The following GALNTL6 variants were observed in gnomAD, a reference collection of about 807,000 sequenced individuals.
GALNTL6 encodes polypeptide N-acetylgalactosaminyltransferase-like 6.
In GALNTL6, 46 loss-of-function variants were observed where a neutral mutation model predicts 73.7. The observed-to-expected ratio is 0.62, with a 90% CI of 0.49 to 0.80. GALNTL6 has a LOEUF of 0.80. Ranked by LOEUF, GALNTL6 falls within the 30% of genes least tolerant of loss-of-function variation. The probability of loss-of-function intolerance (pLI) is 0.00; values close to 1 mark genes in which losing one functional copy is unlikely to be tolerated. For missense variants in GALNTL6, 604 were observed against 755.0 expected (o/e 0.80, Z 2.34); for synonymous variants, 259 against 263.7 (o/e 0.98, Z 0.17).
chr4:172,896,743 C>G (rs1746354947), intron 8 of GALNTL6, among the ~76,000 whole-genome samples: 6 of 152,258 alleles, frequency 3.9e-5, no homozygotes, highest in Admixed American at 3.9e-4. Flanking sequence ...TGATACTAGG[C>G]CCTCTTGCAA....
intron 11 of GALNTL6, among the ~76,000 whole-genome samples, chr4:173,019,743 T>C (rs1451472549): frequency 6.6e-6 from 1 of 152,216 alleles, no homozygotes; most frequent in Non-Finnish European, 1.5e-5. Context: ...GAGTACGCAG[T>C]GGCCATGATT....
rs139357665 is a variant in GALNTL6, at chr4:172,142,010, C to T, written c.139-87646C>T. 1.1e-4 allele frequency among the ~76,000 whole-genome samples: 16 copies of T among 151,916 alleles called. No individual in the cohort carries two copies. The East Asian group carries it at 3.1e-3, about 29-fold the overall frequency. Reference sequence around the variant, plus strand: ...TGCTGAAAGAATCAGTGTACACACACAAAAATTTGTTTTTAGTTCTAGTGG... The same window carrying T: ...TGCTGAAAGAATCAGTGTACACACATAAAAATTTGTTTTTAGTTCTAGTGG... On this transcript the variant is annotated intron_variant, in intron 2 of 12. Transcript: ENST00000506823.
chr4:171,880,892 A>G (rs1443020232), intron 2 of GALNTL6, among the ~76,000 whole-genome samples: 1 of 152,206 alleles, frequency 6.6e-6, no homozygotes, highest in Non-Finnish European at 1.5e-5. Context: ...TTTTAAGTCC[A>G]TATGGACCAG....
At chr4:172,773,504 C>T (rs1185406810) in intron 5 of GALNTL6, among the ~76,000 whole-genome samples, 2 of 151,846 alleles carry the variant, frequency 1.3e-5, no homozygotes, top group South Asian at 2.1e-4. Flanking sequence ...TTATTTATGA[C>T]CTTAGTAAAG....
chr4:171,832,941 C>A (rs775160640), intron 2 of GALNTL6, among the ~76,000 whole-genome samples: 1 of 151,734 alleles, frequency 6.6e-6, no homozygotes, highest in African/African-American at 2.4e-5. Flanking sequence ...TTTGATTATA[C>A]ATCCTGGAAG....
In GALNTL6 at chr4:172,575,160, C is replaced by T. The variant is rs78891308; in HGVS notation, c.553+226471C>T. Among the ~76,000 whole-genome samples the T allele has an allele frequency of 1.1e-3, 160 of 152,298 alleles. 1 individual carries two copies. In the East Asian group the frequency reaches 0.026, roughly 25 times the overall value. On this transcript the variant is annotated intron_variant, in intron 5 of 12. Transcript: ENST00000506823. ...CTCTGCCTTCATGACATGCGTATTA[C>T]ATGCATTGTGTATACAATTCTTAAC...
chr4:172,783,821 G>A (rs1739506545), intron 5 of GALNTL6, among the ~76,000 whole-genome samples: 1 of 152,052 alleles, frequency 6.6e-6, no homozygotes, highest in Admixed American at 6.6e-5. Context: ...GAGCTTTGAT[G>A]AAGAATTATA....
chr4:172,768,853 A>G (rs987546813), intron 5 of GALNTL6, among the ~76,000 whole-genome samples: 1 of 152,004 alleles, frequency 6.6e-6, no homozygotes, highest in African/African-American at 2.4e-5. Flanking sequence ...TCCACTTGCT[A>G]GACATGTGAA....
chr4:172,380,149 A>C, intron 5 of GALNTL6: 2 of 1,046,500 alleles, frequency 1.9e-6, no homozygotes, highest in Non-Finnish European at 3.0e-6. Context: ...GATTTGGAGC[A>C]CTTAACAAGG....
intron 7 of GALNTL6, among the ~76,000 whole-genome samples, chr4:172,836,545 C>G (rs915978315): frequency 4.6e-5 from 7 of 152,072 alleles, no homozygotes; most frequent in Admixed American, 4.6e-4. Flanking sequence ...ATACAGAAGC[C>G]CAGACATTCT....
intron 5 of GALNTL6, among the ~76,000 whole-genome samples, chr4:172,680,072 A>G (rs1477658705): frequency 1.3e-5 from 2 of 152,188 alleles, no homozygotes; most frequent in Non-Finnish European, 1.5e-5. Flanking sequence ...AGCACTTTAA[A>G]TTTATTAATT....
chr4:172,129,740 T>C (rs1198312347), intron 2 of GALNTL6, among the ~76,000 whole-genome samples: 1 of 152,148 alleles, frequency 6.6e-6, no homozygotes, highest in Admixed American at 6.6e-5. Flanking sequence ...GGATCCAAAA[T>C]ACTCAAACCA....
chr4:172,082,418 T>C (rs1579119973), intron 2 of GALNTL6, among the ~76,000 whole-genome samples: 1 of 152,082 alleles, frequency 6.6e-6, no homozygotes, highest in Non-Finnish European at 1.5e-5. Flanking sequence ...GAGGACATGA[T>C]TGGGCACAAA....
chr4:172,678,947 G>T (rs193198876), intron 5 of GALNTL6, among the ~76,000 whole-genome samples: 21 of 152,196 alleles, frequency 1.4e-4, no homozygotes, highest in Admixed American at 4.6e-4. Flanking sequence ...ACATACTCTG[G>T]TACAACTACT....
chr4:171,966,239 T>C (rs968067317), intron 2 of GALNTL6, among the ~76,000 whole-genome samples: 2 of 152,204 alleles, frequency 1.3e-5, no homozygotes, highest in Admixed American at 1.3e-4. Context: ...ATTCTGAATT[T>C]ATAGCTGAAT....
chr4:172,756,550 C>G (rs1009786571), intron 5 of GALNTL6, among the ~76,000 whole-genome samples: 9 of 151,872 alleles, frequency 5.9e-5, no homozygotes, highest in Admixed American at 1.3e-4. Flanking sequence ...GAGGCTGAAG[C>G]AGGAGAATCG....
intron 2 of GALNTL6, among the ~76,000 whole-genome samples, chr4:171,967,157 A>T (rs1393207268): frequency 1.3e-5 from 2 of 152,216 alleles, no homozygotes. Context: ...AGTTTTACAT[A>T]ACTGATACCG....
At chr4:173,033,852 A>G (rs1021221689) in intron 12 of GALNTL6, among the ~76,000 whole-genome samples, 2 of 152,158 alleles carry the variant, frequency 1.3e-5, no homozygotes, top group Admixed American at 6.5e-5. Context: ...GAATCTTTCT[A>G]CTTACATGGA....
rs1047764537 is a variant in GALNTL6, at chr4:172,700,662, T to G, written c.554-108699T>G. Among the ~76,000 whole-genome samples the G allele has an allele frequency of 2.0e-5, 3 of 152,294 alleles. No individual in the cohort carries two copies. In the East Asian group the frequency reaches 5.8e-4, roughly 29 times the overall value. On this transcript the variant is annotated intron_variant, in intron 5 of 12. Transcript: ENST00000506823. ...CCAAAGGAATACAAAAAAGGTGTTCTGATCTCTTCATCACTTATTACTTTG... is the reference window on the plus strand; with the variant it reads ...CCAAAGGAATACAAAAAAGGTGTTCGGATCTCTTCATCACTTATTACTTTG...
Sources: gnomAD v4.1 joint callset for allele counts (sites outside exome capture counted in the v4.1 genomes callset) on GRCh38, gnomAD v4.1.1 for gene constraint, MANE v1.5 for transcripts, NCBI Gene and HGNC (gene_info 2026-07-23, HGNC 2026-07-21) for gene names.